NME9: variants seen among roughly 807,000 people sequenced by gnomAD.
NME9 encodes NME/NM23 family member 9.
Under a neutral mutation model 44.4 loss-of-function variants are expected in NME9, and 48 were observed. That is an observed-to-expected ratio of 1.08 (90% CI 0.86 to 1.37). The LOEUF is 1.37. NME9 is among the 40% of genes most tolerant of loss of function. The pLI is 0.00. For missense variants in NME9, 325 were observed against 405.2 expected (o/e 0.80, Z 1.70); for synonymous variants, 139 against 147.1 (o/e 0.94, Z 0.40).
intron 2 of NME9, among the ~76,000 whole-genome samples, chr3:138,319,795 A>G (rs114698806): frequency 0.021 from 3,125 of 152,354 alleles, 43 homozygotes; most frequent in Non-Finnish European, 0.033. Flanking sequence ...TGAATTCTAA[A>G]TACAGTATAA....
Position 138,271,798 on chromosome 3 carries a change from C to CTTTTTTTTTTTTTTTTTTT in NME9, c.746-9213_746-9212insAAAAAAAAAAAAAAAAAAA, listed in dbSNP as rs776320900. Among the ~76,000 whole-genome samples the CTTTTTTTTTTTTTTTTTTT allele has an allele frequency of 6.4e-4, 87 of 136,122 alleles. 4 individuals carry two copies. Among genetic ancestry groups the CTTTTTTTTTTTTTTTTTTT allele is most frequent in the African/African-American group, 2.4e-3 (84 of 35,230 alleles). 89.3% of individuals were successfully genotyped at this position (136,122 alleles called of 152,430 possible). On this transcript the variant is annotated intron_variant, in intron 8 of 8. Transcript: ENST00000317876. ...AGTTCACAAGATTTTTTTTTTCTTT[C>CTTTTTTTTTTTTTTTTTTT]TTTTTTTTTTTTTTTGATACAGAGT...
intron 6 of NME9, among the ~76,000 whole-genome samples, chr3:138,312,940 G>A (rs1173894115): frequency 6.6e-6 from 1 of 152,126 alleles, no homozygotes; most frequent in African/African-American, 2.4e-5. Flanking sequence ...TTTTAAATGG[G>A]CAAAAGAGCT....
intron 8 of NME9, among the ~76,000 whole-genome samples, chr3:138,291,060 AC>A (rs1347061515): frequency 6.6e-6 from 1 of 152,238 alleles, no homozygotes; most frequent in Non-Finnish European, 1.5e-5. Flanking sequence ...CTAAGGAATC[AC>A]TGTCCTCAAA....
chr3:138,262,613 A>AT, intron 8 of NME9: 1 of 1,497,218 alleles, frequency 6.7e-7, no homozygotes, highest in Non-Finnish European at 9.0e-7. Context: ...AAAAAAAAAA[A>AT]TTTAGGTGCC....
chr3:138,313,402 A>C (rs1490167100), intron 6 of NME9, among the ~76,000 whole-genome samples: 2 of 152,126 alleles, frequency 1.3e-5, no homozygotes, highest in Non-Finnish European at 2.9e-5. Context: ...AAAACAAAAC[A>C]AAGCAAAACA....
At chr3:138,266,557 C>G (rs1560016130) in intron 8 of NME9, among the ~76,000 whole-genome samples, 1 of 152,038 alleles carries the variant, frequency 6.6e-6, no homozygotes, top group Non-Finnish European at 1.5e-5. Context: ...ACATTTAATC[C>G]TAAATAGTTC....
chr3:138,305,403 T>G (rs1489532975), intron 8 of NME9, among the ~76,000 whole-genome samples: 1 of 152,222 alleles, frequency 6.6e-6, no homozygotes, highest in Non-Finnish European at 1.5e-5. Flanking sequence ...ACTTTTTTTC[T>G]TTTCCATGCA....
chr3:138,301,679 CCCCGCTGTTG>C lies in NME9; in HGVS notation c.944_953del (p.Ala315GlyfsTer24). 6.5e-7 allele frequency: 1 copy of C among 1,536,046 alleles called. No homozygotes were observed. Among genetic ancestry groups the C allele is most frequent in the Non-Finnish European group, 8.7e-7 (1 of 1,146,844 alleles). ...CAGGAAAGCAAAGCGCCTCAGTGGG[CCCCGCTGTTG>C]CTTCAGCCTCACCGCCTGTGGGATG... On this transcript the variant is annotated frameshift_variant, in exon 11 of 11. Coordinates refer to ENST00000333911, the MANE Select transcript of NME9 (RefSeq NM_001349018.2). LOFTEE classifies it low-confidence loss of function (END_TRUNC).
At chr3:138,269,460 G>A (rs1337580902) in intron 8 of NME9, among the ~76,000 whole-genome samples, 2 of 152,154 alleles carry the variant, frequency 1.3e-5, no homozygotes, top group African/African-American at 2.4e-5. Flanking sequence ...GACTGTAAAA[G>A]TACAGGACTG....
chr3:138,305,232 A>G (rs917452926), intron 8 of NME9, among the ~76,000 whole-genome samples: 7 of 152,140 alleles, frequency 4.6e-5, no homozygotes, highest in Non-Finnish European at 1.0e-4. Flanking sequence ...GATGGGTGGT[A>G]GTGATGACCT....
Position 138,329,456 on chromosome 3 carries a change from A to G in NME9, c.-121T>C. ...CCTCCTTCAGACAAGCCCCCCTCCT[A>G]CGGCCCCCGGCCCCTTTTTAAGGTG... On this transcript the variant is annotated 5_prime_UTR_variant, in exon 1 of 11. Coordinates refer to ENST00000333911, the MANE Select transcript of NME9 (RefSeq NM_001349018.2). 6.6e-7 allele frequency: 1 copy of G among 1,503,852 alleles called. No individual in the cohort carries two copies. The allele number at this position is 1,503,852 out of a possible 1,614,324, so 93.2% of individuals were successfully genotyped here.
At chr3:138,300,617 AG>A (rs1433657887), downstream of NME9, among the ~76,000 whole-genome samples, 1 of 152,242 alleles carries the variant, frequency 6.6e-6, no homozygotes, top group Non-Finnish European at 1.5e-5. Flanking sequence ...GAAGAACTGC[AG>A]AGGGATGGCT....
chr3:138,283,267 A>G (rs145082386), intron 8 of NME9, among the ~76,000 whole-genome samples: 124 of 152,338 alleles, frequency 8.1e-4, no homozygotes, highest in African/African-American at 2.7e-3. Flanking sequence ...CAAGAAAACA[A>G]TCTCCTCAAT....
intron 8 of NME9, among the ~76,000 whole-genome samples, chr3:138,284,221 T>C (rs1475218338): frequency 6.6e-6 from 1 of 152,118 alleles, no homozygotes; most frequent in African/African-American, 2.4e-5. Flanking sequence ...ACCACCAAAG[T>C]GTTGGGGTTC....
At chr3:138,322,057 C>T (rs1052177917) in intron 2 of NME9, among the ~76,000 whole-genome samples, 2 of 151,812 alleles carry the variant, frequency 1.3e-5, no homozygotes, top group African/African-American at 4.8e-5. Context: ...AAGAGTTTCA[C>T]AATTGACAGA....
intron 8 of NME9, among the ~76,000 whole-genome samples, chr3:138,273,684 TA>T (rs896917344): frequency 1.3e-5 from 2 of 152,174 alleles, no homozygotes; most frequent in African/African-American, 4.8e-5. Flanking sequence ...GATGAGGAAA[TA>T]TGAGTGGTTC....
At chr3:138,293,509 A>G (rs1423649320) in intron 8 of NME9, among the ~76,000 whole-genome samples, 1 of 152,140 alleles carries the variant, frequency 6.6e-6, no homozygotes, top group African/African-American at 2.4e-5. Context: ...AGTGCACTCC[A>G]GCCTAGGCAA....
intron 8 of NME9, among the ~76,000 whole-genome samples, chr3:138,282,858 C>G (rs920764033): frequency 6.6e-6 from 1 of 152,042 alleles, no homozygotes; most frequent in Non-Finnish European, 1.5e-5. Context: ...AGATCTTTTC[C>G]GCAAGAGACT....
chr3:138,304,772 C>G, intron 9 of NME9, 101 bp downstream of exon 9: 1 of 1,163,190 alleles, frequency 8.6e-7, no homozygotes, highest in Non-Finnish European at 1.2e-6. Context: ...TCAGAGAGTC[C>G]TCTGTGTTAC....
Sources: allele counts gnomAD v4.1 joint callset (sites outside exome capture counted in the v4.1 genomes callset), GRCh38; gene constraint gnomAD v4.1.1; transcripts MANE v1.5; gene names NCBI Gene and HGNC (gene_info 2026-07-23, HGNC 2026-07-21).